Variants in KLHL18 observed in about 807,000 individuals in gnomAD.
The protein encoded by KLHL18 is kelch-like protein 18.
Under a neutral mutation model 58.5 loss-of-function variants are expected in KLHL18, and 38 were observed. The ratio of observed to expected loss-of-function variants is 0.65; its 90% CI spans 0.50 to 0.85. The LOEUF (loss-of-function observed/expected upper bound fraction) is 0.85. Among genes scored for constraint, KLHL18 ranks in the 40% least tolerant of loss-of-function variants. The pLI, the probability that KLHL18 is intolerant of heterozygous loss-of-function variation, is 0.00. For synonymous variants in KLHL18, 303 were observed against 301.9 expected (o/e 1.00, Z -0.04); for missense variants, 624 against 778.4 (o/e 0.80, Z 2.36).
chr3:47,333,408 T>A, intron 5 of KLHL18, 91 bp downstream of exon 5: 1 of 1,262,556 alleles, frequency 7.9e-7, no homozygotes, highest in Non-Finnish European at 1.1e-6. Flanking sequence ...AAAGAAAGCA[T>A]TTAGAGTGAT....
intron 5 of KLHL18, among the ~76,000 whole-genome samples, 190 bp downstream of exon 5, chr3:47,333,507 CAG>C (rs1703916306): frequency 6.6e-6 from 1 of 152,220 alleles, no homozygotes; most frequent in East Asian, 1.9e-4. Context: ...ATGCCTTGGG[CAG>C]AGAGATGTGC....
intron 1 of KLHL18, among the ~76,000 whole-genome samples, chr3:47,314,400 G>A (rs1034694905): frequency 2.6e-5 from 4 of 152,166 alleles, no homozygotes; most frequent in African/African-American, 9.7e-5. Context: ...GAATTGGAAG[G>A]CCTCTAAGTA....
chr3:47,338,776 T>G (rs554023595), intron 7 of KLHL18: 1 of 152,258 alleles, frequency 6.6e-6, no homozygotes, highest in East Asian at 1.9e-4. Flanking sequence ...TGAGCTAAGA[T>G]CGTGCCACTG....
chr3:47,307,236 T>C (rs1373482346), intron 1 of KLHL18, among the ~76,000 whole-genome samples: 1 of 152,120 alleles, frequency 6.6e-6, no homozygotes, highest in Non-Finnish European at 1.5e-5. Flanking sequence ...CACACGTGGC[T>C]AATTTTTTAT....
At chr3:47,324,572 G>C (rs1703671284) in intron 3 of KLHL18, among the ~76,000 whole-genome samples, 1 of 151,870 alleles carries the variant, frequency 6.6e-6, no homozygotes, top group African/African-American at 2.4e-5. Flanking sequence ...GGTGGTTCAT[G>C]CTGTAATCCC....
intron 1 of KLHL18, among the ~76,000 whole-genome samples, chr3:47,304,827 C>T (rs1703104280): frequency 6.6e-6 from 1 of 152,056 alleles, no homozygotes; most frequent in African/African-American, 2.4e-5. Context: ...AGTCCAAGAC[C>T]AGCATGGGCA....
In KLHL18 at chr3:47,344,632, CAA is replaced by C. The variant is rs1424614245; in HGVS notation, c.*693_*694del. The C allele has an allele frequency of 6.6e-6, 1 of 152,466 alleles. No individual in the cohort carries two copies. Among genetic ancestry groups the C allele is most frequent in the Non-Finnish European group, 1.5e-5 (1 of 68,006 alleles). The allele number at this position is 152,466 out of a possible 1,614,324, so 9.4% of individuals were successfully genotyped here. On this transcript the variant is annotated 3_prime_UTR_variant, in exon 10 of 10. Coordinates refer to ENST00000232766, the MANE Select transcript of KLHL18 (RefSeq NM_025010.5). ...TGAAAGAAACTGAAGGAAATTTAAACAAAGAAACACTTGAAAGAAACTGGAAA... is the reference window on the plus strand; with the variant it reads ...TGAAAGAAACTGAAGGAAATTTAAACAGAAACACTTGAAAGAAACTGGAAA...
chr3:47,300,505 A>G (rs902758143), intron 1 of KLHL18, among the ~76,000 whole-genome samples: 6 of 149,804 alleles, frequency 4.0e-5, no homozygotes, highest in Admixed American at 4.0e-4. Flanking sequence ...TGGGCTCAAG[A>G]CCAGCTGGGA....
intron 1 of KLHL18, among the ~76,000 whole-genome samples, chr3:47,288,818 A>G (rs1228708487): frequency 6.6e-6 from 1 of 152,188 alleles, no homozygotes; most frequent in East Asian, 1.9e-4. Context: ...TTGTAGTGCA[A>G]GACTTGTTGG....
chr3:47,341,642 A>G (rs1479137548), intron 8 of KLHL18, among the ~76,000 whole-genome samples: 1 of 152,188 alleles, frequency 6.6e-6, no homozygotes, highest in Non-Finnish European at 1.5e-5. Context: ...GTTCACTGTA[A>G]TCGAGAACAG....
At chr3:47,296,984 C>G (rs1015148947) in intron 1 of KLHL18, among the ~76,000 whole-genome samples, 1 of 152,178 alleles carries the variant, frequency 6.6e-6, no homozygotes, top group Non-Finnish European at 1.5e-5. Context: ...CCCATTCTAC[C>G]TTGCTGGATC....
intron 1 of KLHL18, among the ~76,000 whole-genome samples, chr3:47,303,745 AT>A (rs897827917): frequency 4.0e-5 from 6 of 151,818 alleles, no homozygotes; most frequent in Non-Finnish European, 7.4e-5. Context: ...TTTTAAATTG[AT>A]TTTATTTGTT....
chr3:47,306,436 T>G (rs1703149981), intron 1 of KLHL18, among the ~76,000 whole-genome samples: 1 of 152,200 alleles, frequency 6.6e-6, no homozygotes, highest in African/African-American at 2.4e-5. Flanking sequence ...CCTTGGGGAT[T>G]TTACATTGTG....
intron 1 of KLHL18, among the ~76,000 whole-genome samples, chr3:47,314,624 C>T (rs941492323): frequency 2.0e-5 from 3 of 151,972 alleles, no homozygotes; most frequent in African/African-American, 7.2e-5. Flanking sequence ...TGAGCCACCG[C>T]GCCCTGCACT....
intron 1 of KLHL18, chr3:47,283,545 T>C (rs914245673): frequency 1.2e-5 from 2 of 160,948 alleles, no homozygotes; most frequent in African/African-American, 4.8e-5. Context: ...TTAGGAATCA[T>C]TGCCCTTAAT....
chr3:47,285,459 A>G (rs1171749507), intron 1 of KLHL18, among the ~76,000 whole-genome samples: 1 of 152,008 alleles, frequency 6.6e-6, no homozygotes, highest in Non-Finnish European at 1.5e-5. Context: ...GCTCACGCCT[A>G]TTATCCCAGC....
At chr3:47,332,418 T>C (rs1703885320) in intron 4 of KLHL18, among the ~76,000 whole-genome samples, 1 of 151,972 alleles carries the variant, frequency 6.6e-6, no homozygotes. Flanking sequence ...AAAGGTATGA[T>C]TTATTTTCCT....
In KLHL18 at chr3:47,336,721, C is replaced by T. The variant is rs1187644044; in HGVS notation, c.1085C>T (p.Thr362Ile). The T allele has an allele frequency of 1.2e-6, 2 of 1,614,202 alleles. No homozygotes were observed. The highest frequency in any genetic ancestry group is 1.7e-6 in the Non-Finnish European group (2 of 1,180,020). Residue 362 changes from threonine (T) to isoleucine (I), a missense_variant, in exon 7 of 10, where the codon ACA (threonine) becomes ATA (isoleucine). Physicochemically the swap from Thr to Ile is moderately conservative, Grantham distance 89. Transcript: ENST00000232766. Reference protein sequence around the residue: ...TVEAYNPETDTWTRVGSMNSK... With the variant: ...TVEAYNPETDIWTRVGSMNSK... ...GAGGCCTACAACCCGGAGACAGACA[C>T]ATGGACCAGAGTGGGGAGCATGAAT...
intron 7 of KLHL18, among the ~76,000 whole-genome samples, 187 bp from the exon 8 acceptor site, chr3:47,340,385 G>A (rs567447736): frequency 2.0e-4 from 30 of 152,160 alleles, no homozygotes; most frequent in Non-Finnish European, 3.7e-4. Context: ...GCCTGCGGTA[G>A]AAGGGTGGGG....
Sources: gnomAD v4.1 joint callset for allele counts (sites outside exome capture counted in the v4.1 genomes callset) on GRCh38, gnomAD v4.1.1 for gene constraint, MANE v1.5 for transcripts, NCBI Gene and HGNC (gene_info 2026-07-23, HGNC 2026-07-21) for gene names.